The following WAC variants were observed in gnomAD, a reference collection of about 807,000 sequenced individuals.
WAC encodes WW domain containing adaptor with coiled-coil, also known as WW domain-containing adapter protein with coiled-coil.
Under a neutral mutation model 79.6 loss-of-function variants are expected in WAC, and 11 were observed. That is an observed-to-expected ratio of 0.14 (90% CI 0.09 to 0.23). The LOEUF (loss-of-function observed/expected upper bound fraction) is 0.23. WAC is among the 10% of genes least tolerant of loss of function. The pLI is 1.00. For synonymous variants in WAC, 304 were observed against 276.9 expected, an observed-to-expected ratio of 1.10 and a Z score of -0.97; for missense variants, 728 against 773.5, an observed-to-expected ratio of 0.94 and a Z score of 0.70.
chr10:28,548,056 G>A (rs1837459921), intron 3 of WAC, among the ~76,000 whole-genome samples: 1 of 151,706 alleles, frequency 6.6e-6, no homozygotes, highest in South Asian at 2.1e-4. Context: ...GAGTAGCTGG[G>A]ATTACAGGTG....
chr10:28,600,530 A>G (rs1340997370), intron 7 of WAC, among the ~76,000 whole-genome samples: 2 of 152,174 alleles, frequency 1.3e-5, no homozygotes, highest in Non-Finnish European at 2.9e-5. Flanking sequence ...AGTTATTCAA[A>G]TATTTATTGA....
At chr10:28,538,916 A>G (rs1836845165) in intron 3 of WAC, among the ~76,000 whole-genome samples, 2 of 151,582 alleles carry the variant, frequency 1.3e-5, no homozygotes, top group Admixed American at 6.6e-5. Context: ...ATTCAAGACC[A>G]TTATCAAAAA....
chr10:28,575,871 A>G (rs927587721), intron 3 of WAC, among the ~76,000 whole-genome samples: 3 of 152,218 alleles, frequency 2.0e-5, no homozygotes, highest in African/African-American at 7.2e-5. Flanking sequence ...CCATAAATGA[A>G]GTACTGTGTA....
At position 28,617,898 on chromosome 10, in the gene WAC, T is replaced by G. The variant is rs116642817; in HGVS notation, c.1874+114T>G. The G allele has an allele frequency of 4.1e-4, 497 of 1,213,156 alleles. 3 individuals carry two copies. The African/African-American group carries it at 7.3e-3, about 18-fold the overall frequency. The allele number at this position is 1,213,156 out of a possible 1,614,324, so 75.1% of individuals were successfully genotyped here. On this transcript the variant is annotated intron_variant, in intron 13 of 13. Transcript: ENST00000354911. ...GAAATGTAAAGTTCTCTTCGATACA[T>G]TGATCACATTCTATCACTGCATTTT...
intron 10 of WAC, 68 bp downstream of exon 10, chr10:28,611,990 A>G: frequency 6.4e-7 from 1 of 1,565,866 alleles, no homozygotes; most frequent in Non-Finnish European, 8.7e-7. Context: ...AACATTTTAG[A>G]ATCTGTTATA....
intron 3 of WAC, among the ~76,000 whole-genome samples, chr10:28,573,995 C>T (rs945211067): frequency 3.3e-5 from 5 of 152,004 alleles, no homozygotes; most frequent in Non-Finnish European, 5.9e-5. Context: ...TTTCACTTGG[C>T]ATATTTTTGA....
At chr10:28,564,363 T>C (rs1838480987) in intron 3 of WAC, among the ~76,000 whole-genome samples, 1 of 152,190 alleles carries the variant, frequency 6.6e-6, no homozygotes. Context: ...AATGAGTTTT[T>C]GGATTAAGTT....
chr10:28,587,042 G>A (rs952787522), intron 4 of WAC, among the ~76,000 whole-genome samples: 11 of 151,832 alleles, frequency 7.2e-5, no homozygotes, highest in Non-Finnish European at 1.2e-4. Context: ...AGGGAGGCTC[G>A]CTTGAGCCCA....
At position 28,616,285 on chromosome 10, in the gene WAC, C is replaced by G. The variant is rs936481046; in HGVS notation, c.1669C>G (p.Pro557Ala). Residue 557 changes from proline to alanine, a missense_variant, in exon 12 of 14, where the codon CCT becomes GCT. This residue lies in a region of WAC where 14 missense variants were observed against 33.1 expected (regional missense o/e 0.42). Coordinates refer to ENST00000354911, the MANE Select transcript of WAC (RefSeq NM_016628.5). Reference protein sequence around the residue: ...SSARSTCSLTPALAAHFSENL... With the variant: ...SSARSTCSLTAALAAHFSENL... ...TGCCCGATCCACGTGTTCATTAACGCCTGCACTAGCAGCACACTTCAGTGA... is the reference window on the plus strand; with the variant it reads ...TGCCCGATCCACGTGTTCATTAACGGCTGCACTAGCAGCACACTTCAGTGA... 19 of 1,613,910 alleles carry G rather than the reference C, an allele frequency of 1.2e-5. No individual in the cohort carries two copies. The highest frequency in any genetic ancestry group is 1.0e-4 in the Admixed American group (6 of 59,966).
chr10:28,570,180 T>TCGAAAA (rs1838867926), intron 3 of WAC, among the ~76,000 whole-genome samples: 1 of 152,220 alleles, frequency 6.6e-6, no homozygotes, highest in Non-Finnish European at 1.5e-5. Flanking sequence ...TAATACCACA[T>TCGAAAA]ATTTTTGGGA....
intron 7 of WAC, among the ~76,000 whole-genome samples, chr10:28,607,504 T>C (rs772364537): frequency 2.2e-4 from 33 of 152,322 alleles, no homozygotes; most frequent in Admixed American, 9.2e-4. Context: ...TATACATCCT[T>C]TATTTCTAAA....
intron 8 of WAC, among the ~76,000 whole-genome samples, chr10:28,608,928 A>AT (rs928777629): frequency 1.1e-4 from 17 of 152,206 alleles, no homozygotes; most frequent in Middle Eastern, 3.4e-3. Flanking sequence ...AAATGTTGCC[A>AT]TTTTTTTCCT....
chr10:28,591,017 C>T (rs1052577697), intron 6 of WAC, 185 bp downstream of exon 6: 4 of 567,282 alleles, frequency 7.1e-6, no homozygotes, highest in African/African-American at 3.8e-5. Context: ...GATACACGGT[C>T]GAGTAGTACA....
intron 4 of WAC, among the ~76,000 whole-genome samples, chr10:28,583,752 G>T (rs2132631923): frequency 6.6e-6 from 1 of 152,214 alleles, no homozygotes. Context: ...TAGGATTCCT[G>T]TACAAAGCAA....
At chr10:28,572,337 C>CA (rs535940157) in intron 3 of WAC, among the ~76,000 whole-genome samples, 26,906 of 86,522 alleles carry the variant, frequency 0.31, 3,285 homozygotes, top group Non-Finnish European at 0.36. Flanking sequence ...ACTCTGTCTC[C>CA]AAAAAAAAAA....
intron 11 of WAC, 66 bp downstream of exon 11, chr10:28,614,751 A>C: frequency 1.6e-6 from 2 of 1,248,458 alleles, no homozygotes; most frequent in Non-Finnish European, 2.3e-6. Context: ...CATTGTTTGA[A>C]TATTATATCT....
At chr10:28,605,734 A>G (rs1452780204) in intron 7 of WAC, among the ~76,000 whole-genome samples, 1 of 152,112 alleles carries the variant, frequency 6.6e-6, no homozygotes, top group Admixed American at 6.5e-5. Flanking sequence ...CCCTTCTGCT[A>G]ATTTTCATGT....
intron 6 of WAC, chr10:28,591,086 A>C: frequency 2.7e-6 from 1 of 369,726 alleles, no homozygotes; most frequent in Non-Finnish European, 4.9e-6. Context: ...AAACAGTAAA[A>C]TTTTGTTTTG....
In WAC at chr10:28,551,784, T is replaced by TTGTGTGTGTGTGTGTG. The variant is rs71769370; in HGVS notation, c.274+16047_274+16062dup. On this transcript the variant is annotated intron_variant, in intron 3 of 13. Transcript: ENST00000354911. ...AAATGCTTTTATGTTTCCTGTCTAC[T>TTGTGTGTGTGTGTGTG]TGTGTGTGTGTGTGTGTGTGTGTGT... is the stretch of plus-strand genomic sequence containing the variant. 5.7e-3 allele frequency among the ~76,000 whole-genome samples: 717 copies of TTGTGTGTGTGTGTGTG among 124,784 alleles called. 5 individuals carry two copies. The highest frequency in any genetic ancestry group is 0.013 in the East Asian group (52 of 4,068). The allele number at this position is 124,784 out of a possible 152,430, so 81.9% of individuals were successfully genotyped here. A position where few individuals can be genotyped will look rare whatever the true frequency, so the allele number is the denominator to read the frequency against.
Sources: gnomAD v4.1 joint callset for allele counts (sites outside exome capture counted in the v4.1 genomes callset) on GRCh38, gnomAD v4.1.1 for gene constraint, gnomAD v4.1.1 regional missense constraint, MANE v1.5 for transcripts, NCBI Gene and HGNC (gene_info 2026-07-23, HGNC 2026-07-21) for gene names.